The following HSF2BP variants were observed in gnomAD, a reference collection of about 807,000 sequenced individuals.
HSF2BP encodes the protein heat shock transcription factor 2 binding protein.
A neutral mutation model predicts 35.0 loss-of-function variants in HSF2BP; 35 were observed. That is an observed-to-expected ratio of 1.00 (90% CI 0.76 to 1.32). The LOEUF is 1.32. Ranked by LOEUF, HSF2BP falls within the 40% of genes most tolerant of loss-of-function variation. The pLI is 0.00. For missense variants in HSF2BP, 326 were observed against 321.7 expected, an observed-to-expected ratio of 1.01 and a Z score of -0.10; for synonymous variants, 114 against 117.4, an observed-to-expected ratio of 0.97 and a Z score of 0.18.
At chr21:43,599,804 G>C (rs2082029762) in intron 7 of HSF2BP, among the ~76,000 whole-genome samples, 2 of 149,594 alleles carry the variant, frequency 1.3e-5, no homozygotes, top group African/African-American at 4.9e-5. Context: ...AAAAAAAAAA[G>C]GAAGAAAGAA....
intron 3 of HSF2BP, among the ~76,000 whole-genome samples, chr21:43,650,495 G>A (rs963960029): frequency 1.3e-5 from 2 of 151,816 alleles, no homozygotes; most frequent in African/African-American, 4.8e-5. Flanking sequence ...ATGAGCCACC[G>A]TGCCCGGCCC....
At chr21:43,646,181 G>C (rs2082706435) in intron 3 of HSF2BP, among the ~76,000 whole-genome samples, 1 of 149,514 alleles carries the variant, frequency 6.7e-6, no homozygotes, top group South Asian at 2.1e-4. Context: ...CTCAGAAATA[G>C]AGCAGAGTGC....
At position 43,595,726 on chromosome 21, in the gene HSF2BP, A is replaced by ATTTTTTTTTTTTTTTTTTTTTTTTT. The variant is rs770855952; in HGVS notation, c.693-3423_693-3399dup. Among the ~76,000 whole-genome samples, 8 of 58,452 alleles carry ATTTTTTTTTTTTTTTTTTTTTTTTT rather than the reference A, an allele frequency of 1.4e-4. 1 individual carries two copies. Among genetic ancestry groups the ATTTTTTTTTTTTTTTTTTTTTTTTT allele is most frequent in the Admixed American group, 3.3e-4 (1 of 3,000 alleles). 38.3% of individuals were successfully genotyped at this position (58,452 alleles called of 152,430 possible). ...AGCATCTTTAAAAATTAAGAGGCTA[A>ATTTTTTTTTTTTTTTTTTTTTTTTT]TTTTTTTTTTTTTTTTTTTTTTTTT... On this transcript the variant is annotated intron_variant, in intron 7 of 8. Coordinates refer to ENST00000291560, the MANE Select transcript of HSF2BP (RefSeq NM_007031.2).
intron 8 of HSF2BP, among the ~76,000 whole-genome samples, chr21:43,581,264 T>C (rs1296252681): frequency 6.6e-6 from 1 of 152,040 alleles, no homozygotes; most frequent in East Asian, 1.9e-4. Flanking sequence ...CAGGTGCCTG[T>C]AGTCCCAGCT....
At chr21:43,641,476 C>T (rs1414274940) in intron 4 of HSF2BP, among the ~76,000 whole-genome samples, 1 of 152,190 alleles carries the variant, frequency 6.6e-6, no homozygotes, top group Non-Finnish European at 1.5e-5. Flanking sequence ...GAAACATCTC[C>T]ACCATGGCCA....
chr21:43,624,665 A>G (rs1188991707), intron 6 of HSF2BP, among the ~76,000 whole-genome samples: 1 of 152,220 alleles, frequency 6.6e-6, no homozygotes, highest in Non-Finnish European at 1.5e-5. Flanking sequence ...ATCAATCATC[A>G]AAAAGTAATT....
At chr21:43,613,530 C>T (rs1032494042) in intron 7 of HSF2BP, among the ~76,000 whole-genome samples, 15 of 152,178 alleles carry the variant, frequency 9.9e-5, no homozygotes, top group African/African-American at 2.9e-4. Flanking sequence ...AAAACAAATA[C>T]AGATTTTAGT....
chr21:43,641,768 C>T (rs1256011420), intron 4 of HSF2BP, among the ~76,000 whole-genome samples: 3 of 151,604 alleles, frequency 2.0e-5, no homozygotes, highest in Non-Finnish European at 2.9e-5. Flanking sequence ...GCCAACATGG[C>T]GAAACCTCAT....
At chr21:43,614,774 C>T (rs1369622120) in intron 6 of HSF2BP, among the ~76,000 whole-genome samples, 1 of 152,140 alleles carries the variant, frequency 6.6e-6, no homozygotes. Context: ...AGGTATAATG[C>T]AAGTATTCCA....
chr21:43,649,959 C>A (rs1190005608), intron 3 of HSF2BP, among the ~76,000 whole-genome samples: 1 of 152,214 alleles, frequency 6.6e-6, no homozygotes, highest in African/African-American at 2.4e-5. Context: ...AAACCACCAT[C>A]TGCAACTCCT....
intron 4 of HSF2BP, among the ~76,000 whole-genome samples, chr21:43,641,422 AC>A (rs2082635395): frequency 6.6e-6 from 1 of 152,048 alleles, no homozygotes. Context: ...AGGTATCAAG[AC>A]CCAGTGCACC....
At chr21:43,639,174 G>A (rs2082604024) in intron 4 of HSF2BP, among the ~76,000 whole-genome samples, 1 of 152,148 alleles carries the variant, frequency 6.6e-6, no homozygotes, top group South Asian at 2.1e-4. Context: ...AGACTTAAAT[G>A]TAAAATGTAA....
intron 8 of HSF2BP, among the ~76,000 whole-genome samples, chr21:43,581,048 C>T (rs1485993935): frequency 2.0e-5 from 3 of 152,252 alleles, no homozygotes; most frequent in Non-Finnish European, 4.4e-5. Context: ...GGAGTGGGCA[C>T]ACTGCCCTCA....
In HSF2BP at chr21:43,590,495, A is replaced by G. The variant is rs537514948; in HGVS notation, c.796+1730T>C. ...TTCTAGGTATTTACCCAAGACAAAC[A>G]AAAGCATATGTCCATGCAAAGACTT... On this transcript the variant is annotated intron_variant, in intron 8 of 8. Transcript: ENST00000291560. Among the ~76,000 whole-genome samples, 94 of 152,336 alleles carry G rather than the reference A, an allele frequency of 6.2e-4. 1 individual carries two copies. Among genetic ancestry groups the G allele is most frequent in the Non-Finnish European group, 1.2e-3 (82 of 68,032 alleles).
At chr21:43,604,347 ACAC>A (rs1417394037) in intron 7 of HSF2BP, among the ~76,000 whole-genome samples, 1 of 138,964 alleles carries the variant, frequency 7.2e-6, no homozygotes, top group Non-Finnish European at 1.5e-5. Flanking sequence ...CATCACGCAC[ACAC>A]CACACACACA....
At chr21:43,606,501 G>A (rs1050994765) in intron 7 of HSF2BP, among the ~76,000 whole-genome samples, 8 of 152,154 alleles carry the variant, frequency 5.3e-5, no homozygotes, top group African/African-American at 1.7e-4. Context: ...AAAGGAGGCA[G>A]GGAGGAGAGG....
the HSF2BP span, among the ~76,000 whole-genome samples, chr21:43,500,923 T>G: frequency 1.6e-5 from 1 of 62,256 alleles, no homozygotes; most frequent in East Asian, 3.7e-4. Context: ...GGCATGAGGG[T>G]GCTGGGCGGG....
chr21:43,644,758 A>G (rs1459168147), intron 3 of HSF2BP, among the ~76,000 whole-genome samples: 1 of 152,242 alleles, frequency 6.6e-6, no homozygotes, highest in Non-Finnish European at 1.5e-5. Context: ...ACTCCATGAA[A>G]AGCAGAAGGC....
intron 7 of HSF2BP, among the ~76,000 whole-genome samples, chr21:43,613,198 G>A (rs565670610): frequency 6.6e-6 from 1 of 152,320 alleles, no homozygotes; most frequent in South Asian, 2.1e-4. Context: ...TTCAATGAGC[G>A]ACTGTGGCTT....
Sources: gnomAD v4.1 joint callset for allele counts (sites outside exome capture counted in the v4.1 genomes callset) on GRCh38, gnomAD v4.1.1 for gene constraint, MANE v1.5 for transcripts, NCBI Gene and HGNC (gene_info 2026-07-23, HGNC 2026-07-21) for gene names.